Variants in CDC40 observed in about 807,000 individuals in gnomAD.
CDC40 encodes cell division cycle 40.
A neutral mutation model predicts 80.6 loss-of-function variants in CDC40; 27 were observed. That is an observed-to-expected ratio of 0.33 (90% CI 0.25 to 0.46). The LOEUF (loss-of-function observed/expected upper bound fraction) is 0.46, where lower values mean the gene tolerates loss of function less well. CDC40 is among the 20% of genes least tolerant of loss of function. The probability of loss-of-function intolerance (pLI) is 1.00; values close to 1 mark genes in which losing one functional copy is unlikely to be tolerated. For synonymous variants in CDC40, 221 were observed against 232.6 expected (o/e 0.95, Z 0.45); for missense variants, 486 against 694.1 (o/e 0.70, Z 3.37).
At chr6:110,197,684 A>C (rs766000313) in intron 2 of CDC40, among the ~76,000 whole-genome samples, 75 of 138,790 alleles carry the variant, frequency 5.4e-4, no homozygotes, top group Admixed American at 2.1e-3. Context: ...ATCATGTGAT[A>C]CTTGTCCCAG....
chr6:110,209,950 C>T (rs577863259), intron 5 of CDC40, among the ~76,000 whole-genome samples: 2 of 152,284 alleles, frequency 1.3e-5, no homozygotes, highest in Non-Finnish European at 2.9e-5. Context: ...ACCCCATCTT[C>T]TGTCCCCAGC....
chr6:110,196,835 G>T (rs1052832028), intron 2 of CDC40, among the ~76,000 whole-genome samples: 3 of 138,428 alleles, frequency 2.2e-5, no homozygotes, highest in African/African-American at 3.3e-5. Flanking sequence ...CTCTTAATTT[G>T]CAGGAAATAA....
chr6:110,183,690 A>G (rs892013842), intron 1 of CDC40, among the ~76,000 whole-genome samples: 12 of 152,246 alleles, frequency 7.9e-5, no homozygotes, highest in African/African-American at 2.7e-4. Flanking sequence ...GAAGCATGCA[A>G]ATATATTCAT....
At chr6:110,224,433 G>T (rs1167883825) in intron 12 of CDC40, 1 of 152,102 alleles carries the variant, frequency 6.6e-6, no homozygotes, top group African/African-American at 2.4e-5. Context: ...CCAGGCTAGA[G>T]TGTCAAGTAC....
chr6:110,199,331 G>A (rs1285589772), intron 2 of CDC40, among the ~76,000 whole-genome samples: 1 of 151,624 alleles, frequency 6.6e-6, no homozygotes, highest in Admixed American at 6.6e-5. Context: ...GGTGGCTCAT[G>A]CCTATAGACA....
chr6:110,197,097 T>G (rs1328454733), intron 2 of CDC40, among the ~76,000 whole-genome samples: 1 of 152,130 alleles, frequency 6.6e-6, no homozygotes, highest in Non-Finnish European at 1.5e-5. Context: ...CGACTGAAGA[T>G]TTTTGAGATC....
chr6:110,199,308 A>T lies in CDC40; in HGVS notation c.277-2250A>T, dbSNP rs570129691. Among the ~76,000 whole-genome samples, 3 of 152,242 alleles carry T rather than the reference A, an allele frequency of 2.0e-5. No homozygotes were observed. In the East Asian group the frequency reaches 5.8e-4, roughly 29 times the overall value. ...TAATTTTTCTTTAAAAAGTGGAGCT[A>T]GTGGCGGGGCGCGGTGGCTCATGCC... is the stretch of plus-strand genomic sequence containing the variant. On this transcript the variant is annotated intron_variant, in intron 2 of 14. Transcript: ENST00000307731.
At chr6:110,204,631 C>T (rs559658666) in intron 3 of CDC40, among the ~76,000 whole-genome samples, 1 of 150,928 alleles carries the variant, frequency 6.6e-6, no homozygotes, top group East Asian at 1.9e-4. Context: ...CCTACTCTAC[C>T]ACCACAGTGT....
At chr6:110,196,601 A>G (rs997522146) in intron 2 of CDC40, among the ~76,000 whole-genome samples, 3 of 152,198 alleles carry the variant, frequency 2.0e-5, no homozygotes, top group Non-Finnish European at 4.4e-5. Flanking sequence ...AAGAGAAACA[A>G]AAACACCAGT....
At chr6:110,199,895 T>C (rs1018929619) in intron 2 of CDC40, among the ~76,000 whole-genome samples, 2 of 152,104 alleles carry the variant, frequency 1.3e-5, no homozygotes, top group Non-Finnish European at 2.9e-5. Context: ...TAGCTGACCG[T>C]AGCGGGTAGA....
intron 13 of CDC40, among the ~76,000 whole-genome samples, chr6:110,228,097 T>C (rs1049522282): frequency 6.6e-6 from 1 of 152,216 alleles, no homozygotes; most frequent in Admixed American, 6.5e-5. Flanking sequence ...TTTACCCCTG[T>C]ATGGCATGTT....
At chr6:110,187,588 TTC>T (rs772290897) in intron 1 of CDC40, among the ~76,000 whole-genome samples, 1 of 152,166 alleles carries the variant, frequency 6.6e-6, no homozygotes, top group Non-Finnish European at 1.5e-5. Context: ...GTTTAGTCAT[TTC>T]TGTTTTCTGG....
At chr6:110,209,060 T>G in intron 4 of CDC40, 24 bp from the exon 5 acceptor site, 1 of 1,373,996 alleles carries the variant, frequency 7.3e-7, no homozygotes. Context: ...AGTTTTTTTT[T>G]TAATTTTTTT....
intron 8 of CDC40, among the ~76,000 whole-genome samples, chr6:110,214,393 C>T (rs1777674194): frequency 6.6e-6 from 1 of 152,108 alleles, no homozygotes. Context: ...TAGAGGCAAG[C>T]ACAAGATATG....
At chr6:110,227,431 C>A (rs1249971833) in intron 13 of CDC40, among the ~76,000 whole-genome samples, 1 of 152,082 alleles carries the variant, frequency 6.6e-6, no homozygotes. Flanking sequence ...CTAACTGAAC[C>A]TTTTTTTGAT....
At chr6:110,200,122 T>C (rs1048741388) in intron 2 of CDC40, among the ~76,000 whole-genome samples, 3 of 152,196 alleles carry the variant, frequency 2.0e-5, no homozygotes, top group Non-Finnish European at 2.9e-5. Context: ...GAATATGTAC[T>C]AATAAAAGCT....
At position 110,180,639 on chromosome 6, in the gene CDC40, C is replaced by T. The variant is rs752102971; in HGVS notation, c.189+6C>T. 31 of 1,606,650 alleles carry T rather than the reference C, an allele frequency of 1.9e-5. No individual in the cohort carries two copies. In the Admixed American group the frequency reaches 2.8e-4, roughly 15 times the overall value. ...CTCCGGAGGTGGCAGTTAAGGTAAG[C>T]ACTTTTGCTACTAATGCAGTGTGGG... On this transcript the variant is annotated splice_donor_region_variant and intron_variant, in intron 1 of 14. Coordinates refer to ENST00000307731, the MANE Select transcript of CDC40 (RefSeq NM_015891.3).
rs373592008 is a variant in CDC40, at chr6:110,215,288, A to G, written c.945A>G (p.Leu315=). 9 of 1,612,148 alleles carry G rather than the reference A, an allele frequency of 5.6e-6. No homozygotes were observed. Among genetic ancestry groups the G allele is most frequent in the South Asian group, 4.4e-5 (4 of 91,028 alleles). Residue 315 remains leucine, a splice_region_variant and synonymous_variant, in exon 9 of 15, where the codon CTA becomes CTG. Coordinates refer to ENST00000307731, the MANE Select transcript of CDC40 (RefSeq NM_015891.3). Reference sequence around the variant, plus strand: ...GTGTTGTTTTTTTTCTCCCCCAGCTATGGGAGGTTTATGGAGAACGGCGCT... The same window carrying G: ...GTGTTGTTTTTTTTCTCCCCCAGCTGTGGGAGGTTTATGGAGAACGGCGCT... ...LSCSMDCKIK[L]WEVYGERRCL...
chr6:110,208,085 C>T (rs979799015), intron 4 of CDC40, among the ~76,000 whole-genome samples: 4 of 152,124 alleles, frequency 2.6e-5, no homozygotes, highest in African/African-American at 4.8e-5. Flanking sequence ...AAACATCATA[C>T]GCTAAACGCT....
Sources: allele counts gnomAD v4.1 joint callset (sites outside exome capture counted in the v4.1 genomes callset), GRCh38; gene constraint gnomAD v4.1.1; transcripts MANE v1.5; gene names NCBI Gene and HGNC (gene_info 2026-07-23, HGNC 2026-07-21).